The following ELMO1 variants were observed in gnomAD, a reference collection of about 807,000 sequenced individuals.
The protein encoded by ELMO1 is engulfment and cell motility 1, also known as engulfment and cell motility protein 1.
A neutral mutation model predicts 98.9 loss-of-function variants in ELMO1; 26 were observed. That is an observed-to-expected ratio of 0.26 (90% CI 0.19 to 0.36). The LOEUF is 0.36. Among genes scored for constraint, ELMO1 ranks in the 10% least tolerant of loss-of-function variants. The pLI is 1.00. For synonymous variants in ELMO1, 346 were observed against 346.0 expected, an observed-to-expected ratio of 1.00 and a Z score of 0.00; for missense variants, 627 against 935.2, an observed-to-expected ratio of 0.67 and a Z score of 4.30.
chr7:36,869,693 G>A (rs900335919), intron 20 of ELMO1, among the ~76,000 whole-genome samples: 13 of 152,230 alleles, frequency 8.5e-5, no homozygotes, highest in Non-Finnish European at 1.6e-4. Context: ...TACTTCCAGC[G>A]GGCAAAAGAA....
chr7:36,908,458 C>T (rs1308970837), intron 16 of ELMO1, among the ~76,000 whole-genome samples: 1 of 151,820 alleles, frequency 6.6e-6, no homozygotes, highest in African/African-American at 2.4e-5. Context: ...GTTCTTGCTA[C>T]TTGTTTATTA....
chr7:37,059,414 T>C (rs1050964276), intron 15 of ELMO1, among the ~76,000 whole-genome samples: 7 of 152,216 alleles, frequency 4.6e-5, no homozygotes, highest in African/African-American at 1.7e-4. Flanking sequence ...ACTAATATTA[T>C]GTGCGTCAAT....
At chr7:37,011,410 T>C (rs1371837731) in intron 16 of ELMO1, among the ~76,000 whole-genome samples, 2 of 152,204 alleles carry the variant, frequency 1.3e-5, no homozygotes, top group African/African-American at 4.8e-5. Flanking sequence ...GTGCTTCATG[T>C]TACAAAATGT....
chr7:37,167,327 C>T (rs995310267), intron 13 of ELMO1, among the ~76,000 whole-genome samples: 6 of 152,118 alleles, frequency 3.9e-5, no homozygotes, highest in East Asian at 1.9e-4. Context: ...TGAAGCATTT[C>T]GTCCATTTAC....
intron 1 of ELMO1, among the ~76,000 whole-genome samples, chr7:37,360,015 G>A (rs528173624): frequency 5.3e-5 from 8 of 152,186 alleles, no homozygotes; most frequent in African/African-American, 1.4e-4. Context: ...TCAGCTCTGC[G>A]GAAAAATACC....
chr7:36,951,010 C>T (rs947959517), intron 16 of ELMO1, among the ~76,000 whole-genome samples: 1 of 152,230 alleles, frequency 6.6e-6, no homozygotes, highest in Non-Finnish European at 1.5e-5. Context: ...CCCCTGTCCA[C>T]ACCTAATCAG....
intron 16 of ELMO1, among the ~76,000 whole-genome samples, chr7:36,912,323 G>C (rs900437673): frequency 3.3e-5 from 5 of 152,250 alleles, no homozygotes; most frequent in East Asian, 3.9e-4. Context: ...CTGATTACAA[G>C]CAAAGGTGCT....
intron 13 of ELMO1, among the ~76,000 whole-genome samples, chr7:37,208,853 C>T (rs1480940495): frequency 6.6e-6 from 1 of 152,050 alleles, no homozygotes; most frequent in Non-Finnish European, 1.5e-5. Flanking sequence ...AGGGGAATAA[C>T]TAAAATCAAA....
intron 13 of ELMO1, among the ~76,000 whole-genome samples, chr7:37,189,609 G>T (rs1249157850): frequency 6.6e-6 from 1 of 152,170 alleles, no homozygotes; most frequent in Non-Finnish European, 1.5e-5. Context: ...AAAGACATGA[G>T]TTCTAACTCT....
At chr7:36,935,098 C>T (rs761517314) in intron 16 of ELMO1, among the ~76,000 whole-genome samples, 3 of 152,156 alleles carry the variant, frequency 2.0e-5, no homozygotes, top group Non-Finnish European at 4.4e-5. Flanking sequence ...ATAATTCCCT[C>T]GTGCTGTGGA....
intron 19 of ELMO1, among the ~76,000 whole-genome samples, chr7:36,877,457 C>A (rs1162386953): frequency 1.3e-5 from 2 of 152,062 alleles, no homozygotes; most frequent in Non-Finnish European, 2.9e-5. Context: ...TTAAAACAGA[C>A]AACATATAGA....
chr7:37,318,012 T>C (rs1408892783), intron 2 of ELMO1, among the ~76,000 whole-genome samples: 1 of 152,180 alleles, frequency 6.6e-6, no homozygotes, highest in African/African-American at 2.4e-5. Flanking sequence ...AAAGGAAACC[T>C]AGAATTACTG....
intron 15 of ELMO1, among the ~76,000 whole-genome samples, chr7:37,070,341 T>C (rs1315383899): frequency 6.6e-6 from 1 of 152,204 alleles, no homozygotes; most frequent in East Asian, 1.9e-4. Context: ...GATATGAGAA[T>C]ATGAGAGGCT....
chr7:37,390,508 A>C (rs1803021527), intron 1 of ELMO1, among the ~76,000 whole-genome samples: 1 of 152,122 alleles, frequency 6.6e-6, no homozygotes, highest in Non-Finnish European at 1.5e-5. Context: ...GACAGAAAAA[A>C]AGCAAAAGCT....
intron 1 of ELMO1, among the ~76,000 whole-genome samples, chr7:37,369,931 G>A (rs530019411): frequency 2.0e-5 from 3 of 152,134 alleles, no homozygotes; most frequent in South Asian, 4.2e-4. Context: ...CTTACTATTC[G>A]AAGCACCAGG....
At chr7:37,155,125 A>T (rs1430638607) in intron 13 of ELMO1, among the ~76,000 whole-genome samples, 1 of 152,254 alleles carries the variant, frequency 6.6e-6, no homozygotes. Flanking sequence ...TTTTGTCACC[A>T]CCAGGCCTGC....
At chr7:37,330,871 A>G (rs75271476) in intron 2 of ELMO1, among the ~76,000 whole-genome samples, 4,260 of 152,244 alleles carry the variant, frequency 0.028, 281 homozygotes, top group East Asian at 0.23. Flanking sequence ...GCCATTATTA[A>G]GTAAAATAAG....
At chr7:37,155,712 C>T (rs948734697) in intron 13 of ELMO1, among the ~76,000 whole-genome samples, 7 of 152,068 alleles carry the variant, frequency 4.6e-5, no homozygotes, top group East Asian at 3.9e-4. Flanking sequence ...CAGACTCCCA[C>T]TAAATAATAA....
chr7:37,077,511 G>GA (rs1797647016), intron 15 of ELMO1, among the ~76,000 whole-genome samples: 1 of 152,298 alleles, frequency 6.6e-6, no homozygotes, highest in East Asian at 1.9e-4. Context: ...AATGCTGTAG[G>GA]AAAAAATACA....
Sources: allele counts gnomAD v4.1 joint callset (sites outside exome capture counted in the v4.1 genomes callset), GRCh38; gene constraint gnomAD v4.1.1; transcripts MANE v1.5; gene names NCBI Gene and HGNC (gene_info 2026-07-23, HGNC 2026-07-21).